Variants in DLG2 observed in about 807,000 individuals in gnomAD.
The protein encoded by DLG2 is disks large homolog 2.
DLG2 carries 45 observed loss-of-function variants against 132.5 expected under a neutral mutation model. The observed-to-expected ratio is 0.34, with a 90% CI of 0.27 to 0.44. The LOEUF (loss-of-function observed/expected upper bound fraction) is 0.44. DLG2 is among the 20% of genes least tolerant of loss of function. The probability of loss-of-function intolerance (pLI) is 1.00; values close to 1 mark genes in which losing one functional copy is unlikely to be tolerated. For missense variants in DLG2, 1,045 were observed against 1,196.9 expected (o/e 0.87, Z 1.87); for synonymous variants, 424 against 419.6 (o/e 1.01, Z -0.13).
At chr11:85,425,473 G>C (rs2090641362) in intron 3 of DLG2, among the ~76,000 whole-genome samples, 1 of 151,898 alleles carries the variant, frequency 6.6e-6, no homozygotes, top group South Asian at 2.1e-4. Context: ...ATGTTTTTGA[G>C]GTTATGGTAA....
At chr11:83,675,793 C>T (rs2077577530) in intron 18 of DLG2, among the ~76,000 whole-genome samples, 1 of 152,172 alleles carries the variant, frequency 6.6e-6, no homozygotes, top group South Asian at 2.1e-4. Context: ...ACTTCATTAG[C>T]TTTTGTGACT....
chr11:83,966,008 A>G (rs2090110009), intron 12 of DLG2, among the ~76,000 whole-genome samples: 10 of 152,024 alleles, frequency 6.6e-5, no homozygotes, highest in Admixed American at 6.6e-4. Flanking sequence ...TAATGATCTA[A>G]CCAGTTTCTT....
intron 7 of DLG2, among the ~76,000 whole-genome samples, chr11:84,339,456 C>T (rs1319343027): frequency 6.6e-6 from 1 of 152,076 alleles, no homozygotes; most frequent in Non-Finnish European, 1.5e-5. Context: ...TCAACAAATG[C>T]TTATTGGTAT....
intron 10 of DLG2, 105 bp downstream of exon 10, chr11:84,098,818 C>T: frequency 1.5e-6 from 2 of 1,346,008 alleles, no homozygotes; most frequent in Non-Finnish European, 2.0e-6. Context: ...AAATCTCTTT[C>T]AAGTACAGAA....
intron 15 of DLG2, among the ~76,000 whole-genome samples, chr11:83,909,866 A>G (rs562853799): frequency 6.6e-6 from 1 of 152,270 alleles, no homozygotes; most frequent in Admixed American, 6.5e-5. Flanking sequence ...ACAGGTCAAT[A>G]CAAAGAAAGC....
chr11:85,512,836 C>T (rs2094104728), intron 3 of DLG2, among the ~76,000 whole-genome samples: 1 of 152,082 alleles, frequency 6.6e-6, no homozygotes, highest in Admixed American at 6.6e-5. Context: ...AATCCCATTA[C>T]TGGTAATATA....
chr11:84,327,793 A>G, intron 7 of DLG2, among the ~76,000 whole-genome samples: 1 of 152,074 alleles, frequency 6.6e-6, no homozygotes, highest in East Asian at 1.9e-4. Context: ...TTTTTTACTT[A>G]TGGTTATTTT....
chr11:83,937,958 T>G (rs912880956), intron 14 of DLG2, among the ~76,000 whole-genome samples: 2 of 152,208 alleles, frequency 1.3e-5, no homozygotes, highest in Non-Finnish European at 2.9e-5. Context: ...TCAGCAATTC[T>G]ACTCTAGTGT....
At chr11:84,169,564 T>C (rs1433166259) in intron 8 of DLG2, among the ~76,000 whole-genome samples, 1 of 152,180 alleles carries the variant, frequency 6.6e-6, no homozygotes, top group East Asian at 1.9e-4. Flanking sequence ...CTCAAACAAG[T>C]GTGGCCTTCA....
intron 21 of DLG2, among the ~76,000 whole-genome samples, chr11:83,509,620 C>G (rs2094905571): frequency 6.6e-6 from 1 of 152,076 alleles, no homozygotes; most frequent in South Asian, 2.1e-4. Context: ...TCAAATTAAC[C>G]TTGCTCGCAT....
intron 4 of DLG2, among the ~76,000 whole-genome samples, chr11:85,231,432 G>A (rs972301196): frequency 6.6e-6 from 1 of 151,542 alleles, no homozygotes; most frequent in Non-Finnish European, 1.5e-5. Context: ...TTCATGGCTG[G>A]GATTTTCCAC....
chr11:83,837,723 C>CAAAAAAAAA (rs386374350), intron 16 of DLG2, among the ~76,000 whole-genome samples: 10 of 45,946 alleles, frequency 2.2e-4, no homozygotes, highest in Admixed American at 3.7e-4. Flanking sequence ...ACATAGCAAG[C>CAAAAAAAAA]AAAAAAAAAA....
At chr11:83,499,655 C>T (rs1367180893) in intron 21 of DLG2, among the ~76,000 whole-genome samples, 4 of 150,666 alleles carry the variant, frequency 2.7e-5, no homozygotes, top group Middle Eastern at 6.8e-3. Context: ...TTCCTGCCCT[C>T]GAACATCAGA....
intron 6 of DLG2, among the ~76,000 whole-genome samples, chr11:84,662,762 G>C (rs577387368): frequency 1.3e-3 from 172 of 136,908 alleles, no homozygotes; most frequent in African/African-American, 4.5e-3. Flanking sequence ...ACTCCAGCCT[G>C]GTCAATAGAG....
intron 6 of DLG2, among the ~76,000 whole-genome samples, chr11:84,822,308 T>G (rs1250273679): frequency 6.6e-6 from 1 of 151,854 alleles, no homozygotes; most frequent in Non-Finnish European, 1.5e-5. Context: ...AGACATTTAT[T>G]ACCTATTTAA....
Position 84,628,675 on chromosome 11 carries a change from G to A in DLG2, c.358-93944C>T, listed in dbSNP as rs1026224403. ...TCTTGAAACTTGCATGAATTTTGAA[G>A]AGCCTCTCTACTTTCATGACAATCT... On this transcript the variant is annotated intron_variant, in intron 6 of 27. Coordinates refer to ENST00000376104, the MANE Select transcript of DLG2 (RefSeq NM_001142699.3). Among the ~76,000 whole-genome samples, 3 of 152,130 alleles carry A rather than the reference G, an allele frequency of 2.0e-5. No homozygotes were observed. In the East Asian group the frequency reaches 5.8e-4, roughly 29 times the overall value.
chr11:84,257,220 A>C (rs2097487170), intron 7 of DLG2, among the ~76,000 whole-genome samples: 1 of 152,026 alleles, frequency 6.6e-6, no homozygotes, highest in Non-Finnish European at 1.5e-5. Flanking sequence ...TTCCTGAATT[A>C]CATTTTAGTT....
intron 21 of DLG2, among the ~76,000 whole-genome samples, chr11:83,488,224 T>C (rs1404983539): frequency 6.6e-6 from 1 of 152,014 alleles, no homozygotes; most frequent in Non-Finnish European, 1.5e-5. Context: ...AACCACTCAT[T>C]CCAACCCTCG....
intron 3 of DLG2, among the ~76,000 whole-genome samples, chr11:85,480,002 G>A (rs193037003): frequency 7.9e-5 from 12 of 152,148 alleles, no homozygotes; most frequent in South Asian, 6.2e-4. Context: ...ATACCATTAC[G>A]TTCTGAGGTA....
Sources: allele counts gnomAD v4.1 joint callset (sites outside exome capture counted in the v4.1 genomes callset), GRCh38; gene constraint gnomAD v4.1.1; transcripts MANE v1.5; gene names NCBI Gene and HGNC (gene_info 2026-07-23, HGNC 2026-07-21).